The following GADL1 variants were observed in gnomAD, a reference collection of about 807,000 sequenced individuals.
GADL1 encodes the protein GAD like acidic amino acid decarboxylase 1, also known as acidic amino acid decarboxylase GADL1.
Under a neutral mutation model 69.5 loss-of-function variants are expected in GADL1, and 71 were observed. The ratio of observed to expected loss-of-function variants is 1.02; its 90% confidence interval spans 0.84 to 1.25. The LOEUF is 1.25. Ranked by LOEUF, GADL1 falls within the 50% of genes most tolerant of loss-of-function variation. GADL1 has a pLI of 0.00. For missense variants in GADL1, 737 were observed against 631.8 expected (o/e 1.17, Z -1.79); for synonymous variants, 254 against 214.4 (o/e 1.18, Z -1.62).
intron 11 of GADL1, among the ~76,000 whole-genome samples, chr3:30,807,924 C>T (rs975728275): frequency 1.3e-5 from 2 of 150,672 alleles, no homozygotes; most frequent in East Asian, 2.0e-4. Context: ...CCCAGCTACT[C>T]GGGAGGCTGA....
At position 30,727,602 on chromosome 3, in the gene GADL1, A is replaced by G. The variant is rs1214159026; in HGVS notation, c.*640T>C. Reference sequence around the variant, plus strand: ...CTTAAATATTTGTGCTGCAGATGCCATAGTTGTATTTTTTCAAAGACTGGC... The same window carrying G: ...CTTAAATATTTGTGCTGCAGATGCCGTAGTTGTATTTTTTCAAAGACTGGC... On this transcript the variant is annotated 3_prime_UTR_variant, in exon 15 of 15. Transcript: ENST00000282538. 2.6e-5 allele frequency: 4 copies of G among 152,114 alleles called. No homozygotes were observed. The highest frequency in any genetic ancestry group is 5.9e-5 in the Non-Finnish European group (4 of 68,012). 9.4% of individuals were successfully genotyped at this position (152,114 alleles called of 1,614,324 possible).
chr3:30,776,317 C>T (rs1696535298), intron 14 of GADL1, among the ~76,000 whole-genome samples: 2 of 152,076 alleles, frequency 1.3e-5, no homozygotes, highest in African/African-American at 4.8e-5. Flanking sequence ...CTTTCTCTAC[C>T]CTACTAAAAA....
At chr3:30,735,280 G>A (rs1407188424) in intron 14 of GADL1, among the ~76,000 whole-genome samples, 2 of 152,126 alleles carry the variant, frequency 1.3e-5, no homozygotes, top group Non-Finnish European at 2.9e-5. Context: ...CAAATCGAAT[G>A]AAATCATTCA....
intron 14 of GADL1, among the ~76,000 whole-genome samples, chr3:30,776,988 G>A (rs756062309): frequency 6.6e-6 from 1 of 152,156 alleles, no homozygotes; most frequent in Non-Finnish European, 1.5e-5. Flanking sequence ...ACACATTGGG[G>A]TAGATACCCT....
intron 1 of GADL1, among the ~76,000 whole-genome samples, chr3:30,875,572 A>G (rs1422348095): frequency 6.6e-6 from 1 of 151,906 alleles, no homozygotes; most frequent in Non-Finnish European, 1.5e-5. Flanking sequence ...GGCCAGGATA[A>G]TTTCTGCAGA....
chr3:30,846,378 TGAAA>T (rs1559359652), intron 6 of GADL1, among the ~76,000 whole-genome samples: 1 of 152,172 alleles, frequency 6.6e-6, no homozygotes, highest in African/African-American at 2.4e-5. Context: ...AGTGCCTACA[TGAAA>T]GAGAGCATTG....
At chr3:30,853,721 A>G (rs1327235100) in intron 4 of GADL1, among the ~76,000 whole-genome samples, 1 of 151,936 alleles carries the variant, frequency 6.6e-6, no homozygotes, top group Non-Finnish European at 1.5e-5. Context: ...TTTTACTGTT[A>G]TTTTCAAGCT....
intron 13 of GADL1, among the ~76,000 whole-genome samples, chr3:30,783,689 C>T (rs1325317762): frequency 6.6e-6 from 1 of 152,154 alleles, no homozygotes; most frequent in African/African-American, 2.4e-5. Flanking sequence ...AAAATCCTTA[C>T]ACCAGGAATT....
intron 10 of GADL1, 102 bp from the exon 11 acceptor site, chr3:30,834,036 T>C: frequency 2.1e-6 from 2 of 934,082 alleles, no homozygotes; most frequent in South Asian, 1.4e-5. Flanking sequence ...TACTCATACA[T>C]AGTTTACTGT....
chr3:30,811,085 A>G (rs1697343953), intron 11 of GADL1, among the ~76,000 whole-genome samples: 2 of 152,156 alleles, frequency 1.3e-5, no homozygotes, highest in Admixed American at 1.3e-4. Context: ...GATTCTAGAA[A>G]GCTTTAAGTT....
At chr3:30,754,870 T>C (rs1695931026) in intron 14 of GADL1, among the ~76,000 whole-genome samples, 1 of 151,430 alleles carries the variant, frequency 6.6e-6, no homozygotes, top group African/African-American at 2.4e-5. Flanking sequence ...ATTTTTTTTC[T>C]GAAAGTCTCA....
chr3:30,764,339 A>ACT (rs1428713432), intron 14 of GADL1, among the ~76,000 whole-genome samples: 1 of 151,738 alleles, frequency 6.6e-6, no homozygotes. Context: ...TCTAAGAGAA[A>ACT]CCATGCAAAA....
In GADL1 at chr3:30,844,807, A is replaced by G. The variant is rs891098821; in HGVS notation, c.652-341T>C. Among the ~76,000 whole-genome samples, 76 of 152,140 alleles carry G rather than the reference A, an allele frequency of 5.0e-4. 1 individual carries two copies. Among genetic ancestry groups the G allele is most frequent in the Non-Finnish European group, 8.8e-5 (6 of 68,010 alleles). On this transcript the variant is annotated intron_variant, in intron 6 of 14. Transcript: ENST00000282538. ...CTAGACAAAAATGGGTTAATAATAT[A>G]TGTAGAGGGCTTAGCACAGAGCCTG...
At chr3:30,776,329 T>C (rs781011257) in intron 14 of GADL1, among the ~76,000 whole-genome samples, 1 of 152,186 alleles carries the variant, frequency 6.6e-6, no homozygotes, top group African/African-American at 2.4e-5. Context: ...TACTAAAAAA[T>C]GTCAGCCACA....
chr3:30,781,790 G>A (rs1315828528), intron 13 of GADL1, among the ~76,000 whole-genome samples: 4 of 152,130 alleles, frequency 2.6e-5, no homozygotes, highest in East Asian at 1.9e-4. Flanking sequence ...ATTTAGTACC[G>A]TGTCTGGCAC....
chr3:30,758,058 G>A (rs754486742), intron 14 of GADL1, among the ~76,000 whole-genome samples: 23 of 152,166 alleles, frequency 1.5e-4, no homozygotes, highest in Non-Finnish European at 3.4e-4. Flanking sequence ...TCAAGATGCA[G>A]CAGCTTGCCC....
intron 11 of GADL1, among the ~76,000 whole-genome samples, chr3:30,827,378 C>CT (rs1697698724): frequency 6.6e-6 from 1 of 151,120 alleles, no homozygotes; most frequent in Non-Finnish European, 1.5e-5. Context: ...TCAGATAGTA[C>CT]AATCACAATT....
intron 12 of GADL1, chr3:30,799,670 C>A (rs1697121802): frequency 6.6e-6 from 1 of 152,192 alleles, no homozygotes; most frequent in African/African-American, 2.4e-5. Context: ...TTTTCTACTG[C>A]ATCGTCAGGC....
chr3:30,767,851 C>G (rs1346904626), intron 14 of GADL1, among the ~76,000 whole-genome samples: 1 of 152,030 alleles, frequency 6.6e-6, no homozygotes, highest in African/African-American at 2.4e-5. Flanking sequence ...AAACCCAAAC[C>G]ATGTTACCCT....
Sources: allele counts gnomAD v4.1 joint callset (sites outside exome capture counted in the v4.1 genomes callset), GRCh38; gene constraint gnomAD v4.1.1; transcripts MANE v1.5; gene names NCBI Gene and HGNC (gene_info 2026-07-23, HGNC 2026-07-21).